Variants in SMARCA2 observed in about 807,000 individuals in gnomAD.
SMARCA2 encodes the protein SWI/SNF-related matrix-associated actin-dependent regulator of chromatin subfamily A member 2.
A neutral mutation model predicts 199.8 loss-of-function variants in SMARCA2; 61 were observed. The ratio of observed to expected loss-of-function variants is 0.31; its 90% CI spans 0.25 to 0.38. SMARCA2 has a LOEUF of 0.38. SMARCA2 is among the 10% of genes least tolerant of loss of function. The pLI is 1.00. For synonymous variants in SMARCA2, 935 were observed against 732.0 expected, an observed-to-expected ratio of 1.28 and a Z score of -4.48; for missense variants, 1,344 against 2,012.2, an observed-to-expected ratio of 0.67 and a Z score of 6.35.
At position 2,110,170 on chromosome 9, in the gene SMARCA2, T is replaced by C. The variant is rs2130578437; in HGVS notation, c.3293-84T>C. 9.0e-7 allele frequency: 1 copy of C among 1,114,734 alleles called. No homozygotes were observed. The highest frequency in any genetic ancestry group is 2.5e-5 in the East Asian group (1 of 40,508). The allele number at this position is 1,114,734 out of a possible 1,614,324, so 69.1% of individuals were successfully genotyped here. A position where few individuals can be genotyped will look rare whatever the true frequency, so the allele number is the denominator to read the frequency against. ...TTAGGAGGAGTCTGGGTATATTTCT[T>C]GAAGGAAGCAAGCCTTTTTGTCTCA... is the stretch of plus-strand genomic sequence containing the variant. On this transcript the variant is annotated intron_variant, in intron 23 of 33. Transcript: ENST00000349721. This position sits in a 1 kb window ranked among gnomAD's most constrained non-coding sequence, Gnocchi z 4.8.
intron 28 of SMARCA2, chr9:2,163,034 T>A (rs1324365324): frequency 1.3e-5 from 2 of 152,236 alleles, no homozygotes; most frequent in Admixed American, 6.5e-5. Flanking sequence ...ACGTTGTGTT[T>A]TTAGTTTTTC....
chr9:2,156,381 A>G (rs1356726844), intron 27 of SMARCA2, among the ~76,000 whole-genome samples: 2 of 108,816 alleles, frequency 1.8e-5, no homozygotes, highest in Non-Finnish European at 3.8e-5. Flanking sequence ...TTTTTTTCTT[A>G]TGGGAAAATA....
chr9:2,057,372 G>A (rs939248667), intron 7 of SMARCA2, among the ~76,000 whole-genome samples: 6 of 152,112 alleles, frequency 3.9e-5, no homozygotes, highest in African/African-American at 1.2e-4. Flanking sequence ...ACCTCCCGAA[G>A]ACCCCACCTC....
intron 1 of SMARCA2, among the ~76,000 whole-genome samples, chr9:2,020,696 A>C (rs978022902): frequency 1.8e-4 from 28 of 152,300 alleles, no homozygotes; most frequent in African/African-American, 6.3e-4. Flanking sequence ...TTGAAAGTGT[A>C]GGATATGTTA....
chr9:2,174,910 G>A (rs951024898), intron 29 of SMARCA2, among the ~76,000 whole-genome samples: 5 of 112,002 alleles, frequency 4.5e-5, no homozygotes, highest in African/African-American at 1.8e-4. Context: ...GGGGGACAGA[G>A]TGAGACCCTC....
chr9:2,086,772 G>A lies in SMARCA2; in HGVS notation c.2527-57G>A, dbSNP rs776775836. On this transcript the variant is annotated intron_variant, in intron 17 of 33. Coordinates refer to ENST00000349721, the MANE Select transcript of SMARCA2 (RefSeq NM_003070.5). This position sits in a 1 kb window ranked among gnomAD's most constrained non-coding sequence, Gnocchi z 4.3. Reference sequence around the variant, plus strand: ...TTTCCGCACCACCACTTGCTTGTTGGAAATAGTTGTATTTTCCCTTGCTTA... The same window carrying A: ...TTTCCGCACCACCACTTGCTTGTTGAAAATAGTTGTATTTTCCCTTGCTTA... The A allele has an allele frequency of 8.8e-6, 14 of 1,599,546 alleles. No homozygotes were observed. In the South Asian group the frequency reaches 1.2e-4, roughly 14 times the overall value.
chr9:2,162,316 T>G (rs527781213), intron 28 of SMARCA2, among the ~76,000 whole-genome samples: 1 of 152,230 alleles, frequency 6.6e-6, no homozygotes, highest in Admixed American at 6.5e-5. Flanking sequence ...TAAGACTGTT[T>G]AAAGCAAAAT....
In SMARCA2 at chr9:2,161,939, A is replaced by G. The variant is rs748167944; in HGVS notation, c.4199+36A>G. ...GGTTCCTTCACCTTGATCATCTCTC[A>G]CCAAGACGCCGAGTGGCGCTCCCTG... is the stretch of plus-strand genomic sequence containing the variant. On this transcript the variant is annotated intron_variant, in intron 28 of 33. Transcript: ENST00000349721. The surrounding 1 kb of genome is among the most constrained non-coding windows in gnomAD (Gnocchi z 4.7). The G allele has an allele frequency of 3.2e-6, 5 of 1,564,398 alleles. No individual in the cohort carries two copies. Among genetic ancestry groups the G allele is most frequent in the Non-Finnish European group, 3.5e-6 (4 of 1,138,414 alleles).
intron 25 of SMARCA2, 116 bp downstream of exon 25, chr9:2,116,165 A>T (rs1468377133): frequency 1.3e-6 from 1 of 752,588 alleles, no homozygotes; most frequent in African/African-American, 1.8e-5. Context: ...GAAAATGAAG[A>T]AATAAACTGC....
intron 5 of SMARCA2, among the ~76,000 whole-genome samples, chr9:2,052,233 G>A (rs1428372229): frequency 6.6e-6 from 1 of 152,268 alleles, no homozygotes; most frequent in Non-Finnish European, 1.5e-5. Flanking sequence ...CAGCACTTCG[G>A]GAGGCCGATG....
intron 29 of SMARCA2, among the ~76,000 whole-genome samples, chr9:2,178,209 G>A (rs533037643): frequency 1.3e-5 from 2 of 152,174 alleles, no homozygotes; most frequent in South Asian, 2.1e-4. Context: ...AGAGGTTCTT[G>A]TCCACCAACA....
intron 27 of SMARCA2, among the ~76,000 whole-genome samples, chr9:2,127,612 G>A (rs895768648): frequency 6.6e-6 from 1 of 152,196 alleles, no homozygotes; most frequent in Admixed American, 6.5e-5. Flanking sequence ...AGTCTAATGG[G>A]CCCTGCCTAA....
intron 9 of SMARCA2, among the ~76,000 whole-genome samples, chr9:2,063,064 T>G (rs1395383261): frequency 6.6e-6 from 1 of 152,194 alleles, no homozygotes; most frequent in Non-Finnish European, 1.5e-5. Context: ...TACTTTATGG[T>G]CAGCCATCTA....
At chr9:2,071,223 T>C (rs145572040) in intron 10 of SMARCA2, among the ~76,000 whole-genome samples, 1 of 152,324 alleles carries the variant, frequency 6.6e-6, no homozygotes, top group African/African-American at 2.4e-5. Context: ...CACAGTTGTA[T>C]TGTGAACTCA....
chr9:2,191,198 C>T, intron 32 of SMARCA2, 68 bp from the exon 33 acceptor site: 1 of 1,469,206 alleles, frequency 6.8e-7, no homozygotes, highest in Non-Finnish European at 9.5e-7. Context: ...TGGTGATAGT[C>T]TTACCACCTA....
intron 27 of SMARCA2, chr9:2,157,965 G>C (rs1256266804): frequency 5.0e-6 from 2 of 397,978 alleles, no homozygotes; most frequent in Non-Finnish European, 8.9e-6. Flanking sequence ...TGCTTTGCTA[G>C]CTGCAAAGCG....
At chr9:2,031,834 G>C (rs1396050086) in intron 2 of SMARCA2, among the ~76,000 whole-genome samples, 1 of 152,122 alleles carries the variant, frequency 6.6e-6, no homozygotes, top group African/African-American at 2.4e-5. Flanking sequence ...TTTATAGGCA[G>C]TTTTATTTCT....
intron 3 of SMARCA2, among the ~76,000 whole-genome samples, chr9:2,035,051 T>TATTC (rs1819264933): frequency 6.6e-6 from 1 of 151,240 alleles, no homozygotes; most frequent in Non-Finnish European, 1.5e-5. Context: ...TTTATTTATT[T>TATTC]ATATTTTTGA....
intron 26 of SMARCA2, among the ~76,000 whole-genome samples, chr9:2,121,449 G>A (rs1823456368): frequency 6.6e-6 from 1 of 152,156 alleles, no homozygotes; most frequent in Admixed American, 6.5e-5. Flanking sequence ...TCCACCGGCC[G>A]CCTTTGGCCA....
Sources: allele counts gnomAD v4.1 joint callset (sites outside exome capture counted in the v4.1 genomes callset), GRCh38; gene constraint gnomAD v4.1.1; non-coding constraint Gnocchi (gnomAD v3.1); transcripts MANE v1.5; gene names NCBI Gene and HGNC (gene_info 2026-07-23, HGNC 2026-07-21).